Variants in RAPGEF5 observed in about 807,000 individuals in gnomAD.
The protein encoded by RAPGEF5 is Rap guanine nucleotide exchange factor 5, also known as M-Ras-regulated GEF.
A neutral mutation model predicts 125.2 loss-of-function variants in RAPGEF5; 65 were observed. That is an observed-to-expected ratio of 0.52 (90% CI 0.43 to 0.64). The LOEUF is 0.64. RAPGEF5 is among the 30% of genes least tolerant of loss of function. The probability of loss-of-function intolerance (pLI) is 0.00; values close to 1 mark genes in which losing one functional copy is unlikely to be tolerated. For missense variants in RAPGEF5, 958 were observed against 1,048.1 expected (o/e 0.91, Z 1.19); for synonymous variants, 391 against 385.9 (o/e 1.01, Z -0.16).
At chr7:22,270,361 T>TA (rs1409740380) in intron 6 of RAPGEF5, among the ~76,000 whole-genome samples, 2 of 152,212 alleles carry the variant, frequency 1.3e-5, no homozygotes, top group African/African-American at 4.8e-5. Context: ...ACATAATAAA[T>TA]ACACGTTGTT....
chr7:22,256,081 G>T (rs1473135902), intron 7 of RAPGEF5, among the ~76,000 whole-genome samples: 1 of 152,068 alleles, frequency 6.6e-6, no homozygotes, highest in African/African-American at 2.4e-5. Flanking sequence ...CCCCTCTGCT[G>T]GTGTTCTTTG....
chr7:22,301,452 A>G (rs1279456235), intron 5 of RAPGEF5, among the ~76,000 whole-genome samples: 1 of 151,966 alleles, frequency 6.6e-6, no homozygotes, highest in East Asian at 1.9e-4. Flanking sequence ...CATCTCTACT[A>G]AAAATACAAA....
chr7:22,307,028 T>C (rs1348619789), intron 5 of RAPGEF5, among the ~76,000 whole-genome samples: 1 of 152,240 alleles, frequency 6.6e-6, no homozygotes, highest in Non-Finnish European at 1.5e-5. Context: ...TAGCCTTGGC[T>C]ATTCCGGATC....
chr7:22,160,461 A>C, intron 14 of RAPGEF5, 57 bp downstream of exon 14: 1 of 1,490,512 alleles, frequency 6.7e-7, no homozygotes, highest in Non-Finnish European at 9.0e-7. Flanking sequence ...TCCAAATTCT[A>C]TCATATTTGC....
At chr7:22,270,395 A>G (rs1416060609) in intron 6 of RAPGEF5, among the ~76,000 whole-genome samples, 1 of 152,218 alleles carries the variant, frequency 6.6e-6, no homozygotes, top group Non-Finnish European at 1.5e-5. Context: ...TTCTGGAGTC[A>G]TTTGTTATGC....
rs1246206311 is a variant in RAPGEF5, at chr7:22,185,860, T to A, written c.1204+7507A>T. ...CATGTATGCAAACAAATTAATCTAA[T>A]TTTTTTTTTTTTGAGATAGAGTCTT... On this transcript the variant is annotated intron_variant, in intron 11 of 25. Coordinates refer to ENST00000665637, the MANE Select transcript of RAPGEF5 (RefSeq NM_012294.5). 2.2e-5 allele frequency among the ~76,000 whole-genome samples: 3 copies of A among 138,112 alleles called. No homozygotes were observed. In the South Asian group the frequency reaches 6.8e-4, roughly 32 times the overall value. 90.6% of individuals were successfully genotyped at this position (138,112 alleles called of 152,430 possible).
chr7:22,309,099 C>G (rs1013150632), intron 4 of RAPGEF5, among the ~76,000 whole-genome samples: 1 of 152,112 alleles, frequency 6.6e-6, no homozygotes, highest in African/African-American at 2.4e-5. Context: ...GGTGGGGAAA[C>G]CCTGTTTTAA....
At chr7:22,263,890 T>C (rs1367105854) in intron 7 of RAPGEF5, among the ~76,000 whole-genome samples, 3 of 152,156 alleles carry the variant, frequency 2.0e-5, no homozygotes, top group Non-Finnish European at 4.4e-5. Context: ...AACTTTCAAA[T>C]TTCTTCTTCA....
chr7:22,207,221 T>C (rs1785417369), intron 9 of RAPGEF5, among the ~76,000 whole-genome samples: 1 of 152,238 alleles, frequency 6.6e-6, no homozygotes, highest in African/African-American at 2.4e-5. Context: ...AAGTAAAAAC[T>C]AGCACAAGCT....
rs1782095539 is a variant in RAPGEF5, at chr7:22,259,652, T to C, written c.796+7312A>G. ...GGTTCATCCAGACAGTGGAATATTA[T>C]GCAGCACTAAAAACCAAGGAGCTCT... On this transcript the variant is annotated intron_variant, in intron 7 of 25. Coordinates refer to ENST00000665637, the MANE Select transcript of RAPGEF5 (RefSeq NM_012294.5). Among the ~76,000 whole-genome samples the C allele has an allele frequency of 2.0e-5, 3 of 152,202 alleles. No homozygotes were observed. In the South Asian group the frequency reaches 6.2e-4, roughly 32 times the overall value.
intron 1 of RAPGEF5, among the ~76,000 whole-genome samples, chr7:22,336,356 A>G (rs1242714029): frequency 6.6e-6 from 1 of 152,242 alleles, no homozygotes; most frequent in Non-Finnish European, 1.5e-5. Context: ...GAATAAGGGC[A>G]ATGAAATTTA....
At chr7:22,214,746 TGAGTGC>T (rs1350000081) in intron 9 of RAPGEF5, among the ~76,000 whole-genome samples, 1 of 145,304 alleles carries the variant, frequency 6.9e-6, no homozygotes, top group East Asian at 2.2e-4. Flanking sequence ...AGCTGCCCTC[TGAGTGC>T]ATGCCCTCTT....
intron 11 of RAPGEF5, among the ~76,000 whole-genome samples, chr7:22,169,917 G>C (rs1784297920): frequency 6.8e-6 from 1 of 147,620 alleles, no homozygotes; most frequent in African/African-American, 2.5e-5. Flanking sequence ...GGCTGAGGTA[G>C]GAGGATGGCT....
At position 22,187,797 on chromosome 7, in the gene RAPGEF5, T is replaced by C. The variant is rs114163145; in HGVS notation, c.1204+5570A>G. 8.0e-3 allele frequency among the ~76,000 whole-genome samples: 1,220 copies of C among 152,342 alleles called. 21 individuals are homozygous for C. The highest frequency in any genetic ancestry group is 0.028 in the African/African-American group (1,177 of 41,568). On this transcript the variant is annotated intron_variant, in intron 11 of 25. Coordinates refer to ENST00000665637, the MANE Select transcript of RAPGEF5 (RefSeq NM_012294.5). ...AACGTTGTTCCTAACTCTCTGTATATCTATAACCAATAGAAACCTAGAATT... is the reference window on the plus strand; with the variant it reads ...AACGTTGTTCCTAACTCTCTGTATACCTATAACCAATAGAAACCTAGAATT...
At chr7:22,175,214 AT>A (rs1239834493) in intron 11 of RAPGEF5, among the ~76,000 whole-genome samples, 4 of 152,214 alleles carry the variant, frequency 2.6e-5, no homozygotes, top group Non-Finnish European at 5.9e-5. Context: ...AAGAGGCTTT[AT>A]CGGGCTCAGG....
intron 23 of RAPGEF5, among the ~76,000 whole-genome samples, chr7:22,131,823 G>A (rs1400249047): frequency 6.6e-6 from 1 of 152,132 alleles, no homozygotes; most frequent in Non-Finnish European, 1.5e-5. Context: ...CCTGTTGGCT[G>A]CAGTAAACAA....
intron 7 of RAPGEF5, among the ~76,000 whole-genome samples, chr7:22,245,746 A>G (rs181291904): frequency 1.0e-3 from 158 of 152,296 alleles, no homozygotes; most frequent in Non-Finnish European, 1.9e-3. Context: ...TAGTACTGGA[A>G]GCCCATGCCA....
Position 22,156,884 on chromosome 7 carries a change from T to A in RAPGEF5, c.1562A>T (p.Lys521Ile). 6.2e-7 allele frequency: 1 copy of A among 1,613,930 alleles called. No homozygotes were observed. Among genetic ancestry groups the A allele is most frequent in the Non-Finnish European group, 8.5e-7 (1 of 1,179,826 alleles). The stretch of plus-strand genomic sequence containing the variant: ...AAGACTGAATTGGTGGAAAAGGGCT[T>A]TATTCTGTGAGATGGGAGAAAGAGA... The part of the protein sequence containing the change: ...VDEYSPQKKN[K>I]ALFHQFSLKE... Residue 521 changes from lysine (K) to isoleucine (I), a missense_variant, in exon 16 of 26, where the codon AAA becomes ATA. Transcript: ENST00000665637.
intron 17 of RAPGEF5, among the ~76,000 whole-genome samples, chr7:22,152,781 A>T (rs571864368): frequency 4.6e-4 from 70 of 152,366 alleles, no homozygotes; most frequent in African/African-American, 1.5e-3. Context: ...TAAGCTTTTG[A>T]GATTGTTTTC....
Sources: allele counts gnomAD v4.1 joint callset (sites outside exome capture counted in the v4.1 genomes callset), GRCh38; gene constraint gnomAD v4.1.1; transcripts MANE v1.5; gene names NCBI Gene and HGNC (gene_info 2026-07-23, HGNC 2026-07-21).